Variants in CTNND2 observed in about 807,000 individuals in gnomAD.
CTNND2 encodes the protein catenin delta 2.
A neutral mutation model predicts 144.4 loss-of-function variants in CTNND2; 22 were observed. The ratio of observed to expected loss-of-function variants is 0.15; its 90% CI spans 0.11 to 0.22. The LOEUF is 0.22. CTNND2 is among the 10% of genes least tolerant of loss of function. CTNND2 has a pLI of 1.00. For missense variants in CTNND2, 1,353 were observed against 1,618.8 expected (o/e 0.84, Z 2.82); for synonymous variants, 751 against 695.6 (o/e 1.08, Z -1.25).
At chr5:11,286,687 C>A (rs1747791117) in intron 9 of CTNND2, among the ~76,000 whole-genome samples, 1 of 152,180 alleles carries the variant, frequency 6.6e-6, no homozygotes, top group South Asian at 2.1e-4. Context: ...AAAAGGCTAA[C>A]AGGAGTTGGC....
intron 9 of CTNND2, among the ~76,000 whole-genome samples, chr5:11,335,357 C>A (rs556227485): frequency 2.6e-5 from 4 of 152,312 alleles, no homozygotes; most frequent in South Asian, 2.1e-4. Flanking sequence ...TCAACTACAA[C>A]CTGCTTTGTA....
chr5:11,665,003 C>T (rs936591059), intron 2 of CTNND2, among the ~76,000 whole-genome samples: 1 of 152,138 alleles, frequency 6.6e-6, no homozygotes, highest in Non-Finnish European at 1.5e-5. Context: ...TTTGGTGTCA[C>T]GGGGTTTCCA....
intron 12 of CTNND2, among the ~76,000 whole-genome samples, chr5:11,141,658 C>G (rs781637551): frequency 1.1e-4 from 17 of 152,146 alleles, no homozygotes; most frequent in Non-Finnish European, 2.2e-4. Context: ...TAGGAGAAAA[C>G]AGATGGATGC....
intron 1 of CTNND2, among the ~76,000 whole-genome samples, chr5:11,798,553 G>A (rs905636487): frequency 6.6e-6 from 1 of 152,228 alleles, no homozygotes; most frequent in Non-Finnish European, 1.5e-5. Flanking sequence ...CAGATCATGA[G>A]GTCAGGAGAT....
chr5:11,275,333 TCAA>T (rs1451027500), intron 9 of CTNND2, among the ~76,000 whole-genome samples: 1 of 152,096 alleles, frequency 6.6e-6, no homozygotes, highest in African/African-American at 2.4e-5. Context: ...CTGCTCAGAA[TCAA>T]CAACTGGTAA....
chr5:11,092,601 T>A (rs534828866), intron 15 of CTNND2, among the ~76,000 whole-genome samples: 1 of 152,328 alleles, frequency 6.6e-6, no homozygotes, highest in East Asian at 1.9e-4. Context: ...TGCAACAGAC[T>A]GGTCATTGCC....
At chr5:10,982,000 T>A (rs1418466725) in intron 20 of CTNND2, among the ~76,000 whole-genome samples, 154 bp from the exon 21 acceptor site, 2 of 152,196 alleles carry the variant, frequency 1.3e-5, no homozygotes, top group African/African-American at 4.8e-5. Flanking sequence ...CACTTCATTT[T>A]ACATACAGAT....
chr5:11,598,250 A>C (rs1561605928), intron 2 of CTNND2, among the ~76,000 whole-genome samples: 1 of 152,156 alleles, frequency 6.6e-6, no homozygotes, highest in Non-Finnish European at 1.5e-5. Flanking sequence ...CATGGCTAAC[A>C]ACCACCACAT....
At chr5:11,020,567 G>T (rs1470425879) in intron 17 of CTNND2, among the ~76,000 whole-genome samples, 1 of 152,098 alleles carries the variant, frequency 6.6e-6, no homozygotes, top group African/African-American at 2.4e-5. Context: ...TATTATAATA[G>T]AATTGAGTCA....
chr5:11,082,007 T>C (rs1749628733), intron 16 of CTNND2, among the ~76,000 whole-genome samples: 1 of 152,216 alleles, frequency 6.6e-6, no homozygotes, highest in South Asian at 2.1e-4. Flanking sequence ...TAAAAAGAAA[T>C]TTGCAATCTC....
rs552123819 is a variant in CTNND2, at chr5:11,283,332, C to T, written c.1629-46509G>A. The stretch of plus-strand genomic sequence containing the variant: ...TATGGTATAAGGAGTGTCATGATAC[C>T]AAAGAGATATGTCAACTTCCTCGCT... On this transcript the variant is annotated intron_variant, in intron 9 of 21. Coordinates refer to ENST00000304623, the MANE Select transcript of CTNND2 (RefSeq NM_001332.4). 1.4e-4 allele frequency among the ~76,000 whole-genome samples: 22 copies of T among 151,844 alleles called. No individual in the cohort carries two copies. The East Asian group carries it at 2.7e-3, about 19-fold the overall frequency.
rs367633567 is a variant in CTNND2, at chr5:10,988,262, G to T, written c.3212-20C>A. 2.8e-5 allele frequency: 45 copies of T among 1,613,822 alleles called. No individual in the cohort carries two copies. The African/African-American group carries it at 5.5e-4, about 20-fold the overall frequency. ...CACTTGCTACATAAAGAAATCAAAA[G>T]GGGGATTTTCTGCATCTCATCCCAC... On this transcript the variant is annotated intron_variant, in intron 19 of 21. Coordinates refer to ENST00000304623, the MANE Select transcript of CTNND2 (RefSeq NM_001332.4). This position sits in a 1 kb window ranked among gnomAD's most constrained non-coding sequence, Gnocchi z 5.9.
At chr5:11,412,688 G>A (rs1433733444) in intron 3 of CTNND2, among the ~76,000 whole-genome samples, 3 of 152,098 alleles carry the variant, frequency 2.0e-5, no homozygotes, top group African/African-American at 7.2e-5. Flanking sequence ...TTCTGTATAG[G>A]TAACAGATTT....
At chr5:11,753,603 G>A (rs1162548952) in intron 1 of CTNND2, among the ~76,000 whole-genome samples, 1 of 151,800 alleles carries the variant, frequency 6.6e-6, no homozygotes, top group African/African-American at 2.4e-5. Flanking sequence ...TTACATCAAT[G>A]TTCATCAAGG....
intron 18 of CTNND2, among the ~76,000 whole-genome samples, chr5:11,010,606 C>T (rs1016915356): frequency 2.0e-5 from 3 of 152,188 alleles, no homozygotes; most frequent in Admixed American, 1.3e-4. Flanking sequence ...AAGCAAGCTG[C>T]GAAAGATGAC....
intron 7 of CTNND2, among the ~76,000 whole-genome samples, chr5:11,383,920 G>A (rs946197831): frequency 2.6e-5 from 4 of 152,144 alleles, no homozygotes; most frequent in African/African-American, 9.7e-5. Context: ...CGGGCATAAC[G>A]ACCACAGAAA....
At chr5:11,192,131 G>C (rs1736328800) in intron 11 of CTNND2, among the ~76,000 whole-genome samples, 1 of 152,166 alleles carries the variant, frequency 6.6e-6, no homozygotes, top group Non-Finnish European at 1.5e-5. Flanking sequence ...GTTGCAAGGT[G>C]GCAACAATTC....
intron 2 of CTNND2, among the ~76,000 whole-genome samples, chr5:11,589,171 A>G (rs1403743671): frequency 1.3e-5 from 2 of 152,072 alleles, no homozygotes; most frequent in Non-Finnish European, 2.9e-5. Context: ...GCAACATTTC[A>G]TCACAAAAGG....
At chr5:11,501,322 A>C (rs763576533) in intron 3 of CTNND2, among the ~76,000 whole-genome samples, 12 of 152,228 alleles carry the variant, frequency 7.9e-5, no homozygotes, top group Non-Finnish European at 1.5e-4. Flanking sequence ...CTTCAGGATT[A>C]TCTCTCTCCA....
Sources: allele counts gnomAD v4.1 joint callset (sites outside exome capture counted in the v4.1 genomes callset), GRCh38; gene constraint gnomAD v4.1.1; non-coding constraint Gnocchi (gnomAD v3.1); transcripts MANE v1.5; gene names NCBI Gene and HGNC (gene_info 2026-07-23, HGNC 2026-07-21).